PCDHA3: variants seen among roughly 807,000 people sequenced by gnomAD.
The protein encoded by PCDHA3 is protocadherin alpha 3.
A neutral mutation model predicts 62.2 loss-of-function variants in PCDHA3; 41 were observed. The observed-to-expected ratio is 0.66, with a 90% CI of 0.51 to 0.86. PCDHA3 has a LOEUF of 0.86. Among genes scored for constraint, PCDHA3 ranks in the 40% least tolerant of loss-of-function variants. The pLI is 0.00. For synonymous variants in PCDHA3, 640 were observed against 555.4 expected, an observed-to-expected ratio of 1.15 and a Z score of -2.14; for missense variants, 1,304 against 1,241.2, an observed-to-expected ratio of 1.05 and a Z score of -0.76.
intron 1 of PCDHA3, chr5:140,877,152 C>A (rs1662783035): frequency 6.2e-7 from 1 of 1,613,688 alleles, no homozygotes; most frequent in Non-Finnish European, 8.5e-7. Context: ...ACGAGAACGA[C>A]AACGCGCCGG....
chr5:140,898,422 C>T (rs1554187981), intron 1 of PCDHA3, among the ~76,000 whole-genome samples: 2 of 152,278 alleles, frequency 1.3e-5, no homozygotes, highest in East Asian at 3.9e-4. Context: ...AGCCAGTTTT[C>T]CCAGCACCAT....
chr5:140,830,162 G>T (rs1554132602), intron 1 of PCDHA3: 1 of 1,613,386 alleles, frequency 6.2e-7, no homozygotes, highest in East Asian at 2.2e-5. Context: ...GGGCCCAGAG[G>T]CGGCGCTGGT....
rs1554138258 is a variant in PCDHA3 at position 140,841,498 on chromosome 5, G to C, written c.2394+37907G>C. ...ACCTGGGGCTGGAGCTGGCGGAGCT[G>C]GTGCCGCGCCTGTTCCGGGTGGCGT... is the stretch of plus-strand genomic sequence containing the variant. On this transcript the variant is annotated intron_variant, in intron 1 of 3. Coordinates refer to ENST00000522353, the MANE Select transcript of PCDHA3 (RefSeq NM_018906.3). 5 of 1,613,284 alleles carry C rather than the reference G, an allele frequency of 3.1e-6. No individual in the cohort carries two copies. The Admixed American group carries it at 6.7e-5, about 22-fold the overall frequency.
chr5:140,829,747 G>C (rs2150173825), intron 1 of PCDHA3: 21 of 1,613,704 alleles, frequency 1.3e-5, no homozygotes, highest in Non-Finnish European at 1.7e-5. Flanking sequence ...TGACGCTGCA[G>C]GTGTTCGTGC....
rs960845779 is a variant in PCDHA3, at chr5:140,852,795, A to G, written c.2394+49204A>G. 2.0e-5 allele frequency: 20 copies of G among 977,252 alleles called. 2 individuals are homozygous for G. In the African/African-American group the frequency reaches 2.8e-4, roughly 14 times the overall value. 60.5% of individuals were successfully genotyped at this position (977,252 alleles called of 1,614,324 possible). A position where few individuals can be genotyped will look rare whatever the true frequency, so the allele number is the denominator to read the frequency against. ...TGATGTGAATAGAGGGATGCTACAG[A>G]TGTCATTTGTCTCCCGCCCTAAGTC... On this transcript the variant is annotated intron_variant, in intron 1 of 3. Coordinates refer to ENST00000522353, the MANE Select transcript of PCDHA3 (RefSeq NM_018906.3).
At chr5:140,925,108 G>GGAGGGAA (rs1554202548) in intron 1 of PCDHA3, among the ~76,000 whole-genome samples, 1 of 124,702 alleles carries the variant, frequency 8.0e-6, no homozygotes, top group African/African-American at 3.3e-5. Context: ...GAAGGAAGGA[G>GGAGGGAA]GGAAGGAAGG....
chr5:140,801,660 G>C lies in PCDHA3; in HGVS notation c.463G>C (p.Glu155Gln). ...ACAGCCTGGCTCTCGGTTTTCGCTA[G>C]AGGGCGCATCAGATGCAGATATCGG... Reference protein sequence around the residue: ...SRQPGSRFSLEGASDADIGTN... With the variant: ...SRQPGSRFSLQGASDADIGTN... Residue 155 changes from glutamate (E) to glutamine (Q), a missense_variant, in exon 1 of 4, where the codon GAG (glutamate) becomes CAG (glutamine). Transcript: ENST00000522353. 6.2e-7 allele frequency: 1 copy of C among 1,614,216 alleles called. No individual in the cohort carries two copies. The highest frequency in any genetic ancestry group is 8.5e-7 in the Non-Finnish European group (1 of 1,180,034).
At chr5:140,992,643 A>C (rs1215653539) in intron 3 of PCDHA3, among the ~76,000 whole-genome samples, 1 of 152,148 alleles carries the variant, frequency 6.6e-6, no homozygotes. Context: ...CCTGGAAAAT[A>C]GAAGAAAGAG....
At chr5:140,990,025 T>C (rs2097371572) in intron 3 of PCDHA3, among the ~76,000 whole-genome samples, 1 of 151,914 alleles carries the variant, frequency 6.6e-6, no homozygotes, top group African/African-American at 2.4e-5. Flanking sequence ...AGGCAAAGGA[T>C]GGGAGAAGTC....
intron 1 of PCDHA3, among the ~76,000 whole-genome samples, chr5:140,941,185 C>CTT (rs782102770): frequency 2.0e-5 from 2 of 102,242 alleles, no homozygotes; most frequent in East Asian, 7.3e-4. Context: ...CATCCTGCTT[C>CTT]TTTTTTTTTC....
At chr5:140,882,931 G>A in intron 1 of PCDHA3, 1 of 1,614,206 alleles carries the variant, frequency 6.2e-7, no homozygotes. Context: ...GTAAACCCGA[G>A]CTGACTGGCA....
rs2150182781 is a variant in PCDHA3, at chr5:140,830,210, G to A, written c.2394+26619G>A. The A allele has an allele frequency of 1.3e-5, 21 of 1,613,836 alleles. 2 individuals carry two copies. In the South Asian group the frequency reaches 2.3e-4, roughly 18 times the overall value. On this transcript the variant is annotated intron_variant, in intron 1 of 3. Coordinates refer to ENST00000522353, the MANE Select transcript of PCDHA3 (RefSeq NM_018906.3). ...GTACCTGATCATCGCCATCTGCGCG[G>A]TATCCAGCCTGCTGGTCCTCACGCT...
intron 1 of PCDHA3, chr5:140,876,996 G>T (rs1554169201): frequency 1.2e-6 from 2 of 1,612,618 alleles, no homozygotes; most frequent in East Asian, 2.2e-5. Context: ...CGAGCTACGT[G>T]TCGGTGCACG....
chr5:140,848,879 C>T (rs2150423372), intron 1 of PCDHA3: 26 of 1,590,952 alleles, frequency 1.6e-5, no homozygotes, highest in Admixed American at 1.2e-4. Flanking sequence ...ACATTAACGA[C>T]AACCCTCCAG....
chr5:140,856,909 G>T, intron 1 of PCDHA3: 1 of 1,596,132 alleles, frequency 6.3e-7, no homozygotes, highest in African/African-American at 1.3e-5. Context: ...TCCCACCCAC[G>T]ATAAGAAGGA....
Position 140,858,116 on chromosome 5 carries a change from G to A in PCDHA3, c.2394+54525G>A, listed in dbSNP as rs140097524. The A allele has an allele frequency of 1.6e-5, 26 of 1,597,882 alleles. 1 individual carries two copies. The Middle Eastern group carries it at 5.1e-4, about 31-fold the overall frequency. Reference sequence around the variant, plus strand: ...TTCAGTGGGCGTGGCGCCCGAGGTGGCCCTGGTGGATGTCAACGTGTACCT... The same window carrying A: ...TTCAGTGGGCGTGGCGCCCGAGGTGACCCTGGTGGATGTCAACGTGTACCT... On this transcript the variant is annotated intron_variant, in intron 1 of 3. Coordinates refer to ENST00000522353, the MANE Select transcript of PCDHA3 (RefSeq NM_018906.3).
rs2150471701 is a variant in PCDHA3, at chr5:140,850,183, C to T, written c.2394+46592C>T. On this transcript the variant is annotated intron_variant, in intron 1 of 3. Transcript: ENST00000522353. ...GTGCTGGACGAGAACGACAATGCGC[C>T]GGCGCTGCTGACACCTCGGATGAGG... The T allele has an allele frequency of 1.9e-6, 3 of 1,593,774 alleles. 1 individual carries two copies. Among genetic ancestry groups the T allele is most frequent in the Non-Finnish European group, 1.7e-6 (2 of 1,167,724 alleles).
At chr5:140,881,350 T>G (rs1189745119) in intron 1 of PCDHA3, 10 of 985,236 alleles carry the variant, frequency 1.0e-5, no homozygotes, top group Non-Finnish European at 1.2e-5. Context: ...CGGGCTACAA[T>G]GCGTGGCTTT....
intron 1 of PCDHA3, among the ~76,000 whole-genome samples, chr5:140,895,220 A>C (rs1044682871): frequency 6.6e-6 from 1 of 152,158 alleles, no homozygotes; most frequent in Non-Finnish European, 1.5e-5. Context: ...CTAATATTTT[A>C]CTGAGTTTTC....
Sources: gnomAD v4.1 joint callset for allele counts (sites outside exome capture counted in the v4.1 genomes callset) on GRCh38, gnomAD v4.1.1 for gene constraint, MANE v1.5 for transcripts, NCBI Gene and HGNC (gene_info 2026-07-23, HGNC 2026-07-21) for gene names.